ARL17A: variants seen among roughly 807,000 people sequenced by gnomAD.
ARL17A encodes the protein ARF like GTPase 17A, also known as ADP-ribosylation factor-like 17-like.
chr17:46,545,938 C>T (rs968288759), intron 3 of ARL17A, among the ~76,000 whole-genome samples: 1 of 147,770 alleles, frequency 6.8e-6, no homozygotes, highest in African/African-American at 2.6e-5. Flanking sequence ...TAAAAGTCTA[C>T]CTTCTTCCTC....
chr17:46,532,336 C>T (rs2053802846), intron 4 of ARL17A, among the ~76,000 whole-genome samples: 1 of 150,418 alleles, frequency 6.6e-6, no homozygotes, highest in Non-Finnish European at 1.5e-5. Context: ...TTTTGTCAAG[C>T]ATTTTTCCAT....
chr17:46,541,471 C>T (rs2145569156), intron 3 of ARL17A, among the ~76,000 whole-genome samples: 1 of 149,362 alleles, frequency 6.7e-6, no homozygotes, highest in Non-Finnish European at 1.5e-5. Flanking sequence ...AGGGTGGTTT[C>T]GAACTCCTGA....
chr17:46,533,694 G>C (rs1368059842), intron 4 of ARL17A, among the ~76,000 whole-genome samples: 1 of 78,734 alleles, frequency 1.3e-5, no homozygotes, highest in Non-Finnish European at 2.1e-5. Flanking sequence ...TAGAGACAGG[G>C]TTTCACCATG....
chr17:46,551,131 A>G (rs2056765212), downstream of ARL17A, among the ~76,000 whole-genome samples: 1 of 149,828 alleles, frequency 6.7e-6, no homozygotes, highest in African/African-American at 2.5e-5. Context: ...CCTCTGTGAG[A>G]TGTGTCACCA....
chr17:46,548,440 TC>T (rs2056419917), downstream of ARL17A: 1 of 915,854 alleles, frequency 1.1e-6, no homozygotes, highest in African/African-American at 4.2e-5. Flanking sequence ...CATCAACTTG[TC>T]AGGCTTTGGG....
chr17:46,545,665 TGAA>T lies in ARL17A; in HGVS notation c.260-7242_260-7240del, dbSNP rs551524563. On this transcript the variant is annotated intron_variant, in intron 3 of 4. Transcript: ENST00000329240. ...CATTTACTAGCTGGCATTATTTCATTGAAGAAGAACTCCTCCTCTTTCTTTTTC... is the reference window on the plus strand; with the variant it reads ...CATTTACTAGCTGGCATTATTTCATTGAAGAACTCCTCCTCTTTCTTTTTC... 4.2e-3 allele frequency among the ~76,000 whole-genome samples: 504 copies of T among 120,352 alleles called. 1 individual carries two copies. Among genetic ancestry groups the T allele is most frequent in the African/African-American group, 0.016 (398 of 24,662 alleles). 79.0% of individuals were successfully genotyped at this position (120,352 alleles called of 152,430 possible). A position where few individuals can be genotyped will look rare whatever the true frequency, so the allele number is the denominator to read the frequency against.
chr17:46,502,351 C>T, the ARL17A span, among the ~76,000 whole-genome samples: 2 of 151,088 alleles, frequency 1.3e-5, no homozygotes, highest in African/African-American at 2.5e-5. Flanking sequence ...ACTCTTGTTC[C>T]CCAGGCTAGA....
chr17:46,568,923 A>C (rs1472757487), intron 3 of ARL17A, among the ~76,000 whole-genome samples: 1 of 132,168 alleles, frequency 7.6e-6, no homozygotes, highest in African/African-American at 2.9e-5. Flanking sequence ...AAGATGTAGA[A>C]AGGATACTTT....
Position 46,558,874 on chromosome 17 carries a change from C to A in ARL17A, c.260-1244G>T, listed in dbSNP as rs1030909630. 19 of 99,942 alleles carry A rather than the reference C, an allele frequency of 1.9e-4. 1 individual carries two copies. The highest frequency in any genetic ancestry group is 8.4e-4 in the African/African-American group (19 of 22,522). The allele number at this position is 99,942 out of a possible 1,614,324, so 6.2% of individuals were successfully genotyped here. On this transcript the variant is annotated intron_variant, in intron 3 of 3. Transcript: ENST00000336125. ...TTTTTTTTTTTTCAGAGACGGGCCT[C>A]ACTTTGTTGCCCAGGCTGGTTTTGA... is the stretch of plus-strand genomic sequence containing the variant.
chr17:46,502,327 C>T, the ARL17A span, among the ~76,000 whole-genome samples: 11 of 151,164 alleles, frequency 7.3e-5, no homozygotes, highest in South Asian at 2.1e-4. Flanking sequence ...TTTGTTTTTT[C>T]GAGGTGGAGT....
downstream of ARL17A, among the ~76,000 whole-genome samples, chr17:46,525,594 A>T (rs1336640544): frequency 1.3e-5 from 1 of 77,836 alleles, no homozygotes; most frequent in African/African-American, 4.4e-5. Flanking sequence ...CTCAAATAAT[A>T]ATAATAATAT....
chr17:46,529,087 T>G (rs2053252116), intron 4 of ARL17A, among the ~76,000 whole-genome samples: 1 of 124,304 alleles, frequency 8.0e-6, no homozygotes, highest in African/African-American at 3.0e-5. Context: ...AGGATTTCAG[T>G]ACATTTAAGA....
At chr17:46,502,149 T>G in the ARL17A span, among the ~76,000 whole-genome samples, 1 of 151,126 alleles carries the variant, frequency 6.6e-6, no homozygotes, top group South Asian at 2.1e-4. Flanking sequence ...TTTGAGAATT[T>G]CACAGCATAA....
At chr17:46,558,553 A>ATTTT (rs58227880) in intron 3 of ARL17A, among the ~76,000 whole-genome samples, 1 of 100,248 alleles carries the variant, frequency 1.0e-5, no homozygotes. Flanking sequence ...TGCCCGGCCA[A>ATTTT]TTTTTTTTTT....
At chr17:46,572,914 C>CAGAG (rs1221660651) in intron 2 of ARL17A, among the ~76,000 whole-genome samples, 2 of 77,138 alleles carry the variant, frequency 2.6e-5, no homozygotes, top group African/African-American at 9.9e-5. Context: ...AAGAGAGAGA[C>CAGAG]AGAGAGAGAG....
Position 46,543,686 on chromosome 17 carries a change from T to A in ARL17A, c.260-5260A>T, listed in dbSNP as rs2667843. On this transcript the variant is annotated intron_variant, in intron 3 of 4. Coordinates refer to the ARL17A transcript ENST00000329240. The stretch of plus-strand genomic sequence containing the variant: ...GTATAGACATACACACACGGAAAGC[T>A]AATGTGGCAAAGTATTAGCAACTAC... 2.6e-3 allele frequency among the ~76,000 whole-genome samples: 389 copies of A among 150,924 alleles called. 20 individuals are homozygous for A. Among genetic ancestry groups the A allele is most frequent in the African/African-American group, 9.2e-3 (371 of 40,284 alleles).
intron 3 of ARL17A, chr17:46,546,224 CTAAT>C: frequency 1.5e-6 from 1 of 667,752 alleles, no homozygotes; most frequent in South Asian, 1.7e-5. Context: ...CGCTTTACCG[CTAAT>C]TTATTGCTCT....
At chr17:46,515,918 C>CA (rs566122715), downstream of ARL17A, among the ~76,000 whole-genome samples, 214 of 97,366 alleles carry the variant, frequency 2.2e-3, no homozygotes, top group African/African-American at 9.3e-3. Context: ...GTCCAGAACT[C>CA]ATTTTTGTCC....
rs969792756 is a variant in ARL17A at position 46,532,056 on chromosome 17, C to T, written c.336-3197G>A. 3.3e-4 allele frequency among the ~76,000 whole-genome samples: 49 copies of T among 150,282 alleles called. 5 individuals are homozygous for T. Among genetic ancestry groups the T allele is most frequent in the African/African-American group, 1.2e-3 (48 of 39,938 alleles). ...TTCAGGTGACGCCATTACACTCAAG[C>T]CTGGGCAACAGAGTGAGACTCCAAT... On this transcript the variant is annotated intron_variant, in intron 4 of 4. Transcript: ENST00000329240.
Sources: gnomAD v4.1 joint callset for allele counts (sites outside exome capture counted in the v4.1 genomes callset) on GRCh38, gnomAD v4.1.1 for gene constraint, MANE v1.5 for transcripts, NCBI Gene and HGNC (gene_info 2026-07-23, HGNC 2026-07-21) for gene names.